Variants in CACNA1H observed in about 807,000 individuals in gnomAD.
CACNA1H encodes the protein calcium voltage-gated channel subunit alpha1 H, also known as voltage-dependent T-type calcium channel subunit alpha-1H.
In CACNA1H, 149 loss-of-function variants were observed where a neutral mutation model predicts 192.5. The ratio of observed to expected loss-of-function variants is 0.77; its 90% CI spans 0.68 to 0.89. The LOEUF (loss-of-function observed/expected upper bound fraction) is 0.89, where lower values mean the gene tolerates loss of function less well. Ranked by LOEUF, CACNA1H falls within the 40% of genes least tolerant of loss-of-function variation. The probability of loss-of-function intolerance (pLI) is 0.00; values close to 1 mark genes in which losing one functional copy is unlikely to be tolerated. For synonymous variants in CACNA1H, 2,202 were observed against 1,475.2 expected, an observed-to-expected ratio of 1.49 and a Z score of -11.29; for missense variants, 4,257 against 3,423.5, an observed-to-expected ratio of 1.24 and a Z score of -6.08.
chr16:1,209,861 C>A (rs574564121), intron 17 of CACNA1H, among the ~76,000 whole-genome samples, 174 bp from the exon 18 acceptor site: 1 of 152,296 alleles, frequency 6.6e-6, no homozygotes, highest in Non-Finnish European at 1.5e-5. Flanking sequence ...GGAGGCTCCA[C>A]GGTATGGGCC....
At chr16:1,166,083 C>T (rs560774270) in intron 2 of CACNA1H, among the ~76,000 whole-genome samples, 17 of 152,214 alleles carry the variant, frequency 1.1e-4, no homozygotes, top group South Asian at 4.1e-4. Context: ...TGAGAGCTGA[C>T]GCCGAGATTT....
chr16:1,172,290 A>T (rs1380257900), intron 2 of CACNA1H, among the ~76,000 whole-genome samples: 1 of 152,140 alleles, frequency 6.6e-6, no homozygotes. Flanking sequence ...GCATCACCGC[A>T]GCCTTGCCTG....
At chr16:1,182,287 G>A (rs1156674982) in intron 2 of CACNA1H, among the ~76,000 whole-genome samples, 1 of 152,160 alleles carries the variant, frequency 6.6e-6, no homozygotes, top group Non-Finnish European at 1.5e-5. Flanking sequence ...GCTCTCTGTG[G>A]GGCCAGAGTC....
intron 10 of CACNA1H, 45 bp downstream of exon 10, chr16:1,204,503 C>T (rs1226801057): frequency 2.7e-6 from 4 of 1,462,520 alleles, no homozygotes; most frequent in East Asian, 2.3e-5. Flanking sequence ...GTCAGGCTTG[C>T]AGGGCCTGGG....
intron 17 of CACNA1H, among the ~76,000 whole-genome samples, chr16:1,209,825 T>A (rs368909125): frequency 6.6e-5 from 10 of 152,142 alleles, no homozygotes; most frequent in East Asian, 3.9e-4. Context: ...CACGGGTCAC[T>A]CTGCCGTCAC....
intron 2 of CACNA1H, among the ~76,000 whole-genome samples, chr16:1,173,784 A>T (rs1179420685): frequency 2.6e-5 from 4 of 152,062 alleles, no homozygotes; most frequent in Non-Finnish European, 4.4e-5. Flanking sequence ...TACTCCTGAA[A>T]GGCTGTGGGT....
chr16:1,208,238 GC>G lies in CACNA1H; in HGVS notation c.3363+21del. On this transcript the variant is annotated intron_variant, in intron 16 of 34. Coordinates refer to ENST00000348261, the MANE Select transcript of CACNA1H (RefSeq NM_021098.3). ...AAGCCTCCGGTAGGGACCATCTCCT[GC>G]CCCAGCTCTCAGGCCCCTTCAGGTT... 1 of 1,534,280 alleles carries G rather than the reference GC, an allele frequency of 6.5e-7. No individual in the cohort carries two copies. Among genetic ancestry groups the G allele is most frequent in the Admixed American group, 1.9e-5 (1 of 51,634 alleles).
rs551983302 is a variant in CACNA1H, at chr16:1,217,930, G to A, written c.5335G>A (p.Asp1779Asn). The change falls in exon 32 of 35, where the codon GAC (aspartate) becomes AAC (asparagine). Residue 1779 changes from aspartate (D) to asparagine (N), a missense_variant. By Grantham distance (23) the Asp-to-Asn change is conservative (BLOSUM62 1). Transcript: ENST00000348261. ...ELFGRLECSE[D>N]NPCEGLSRHA... ...CTCCCTCCCCGCAGAGTGCAGTGAA[G>A]ACAACCCCTGCGAGGGCCTGAGCAG... 1.2e-6 allele frequency: 2 copies of A among 1,604,794 alleles called. No individual in the cohort carries two copies. The highest frequency in any genetic ancestry group is 1.3e-5 in the African/African-American group (1 of 74,870).
intron 2 of CACNA1H, among the ~76,000 whole-genome samples, chr16:1,178,949 G>C (rs543888761): frequency 6.6e-6 from 1 of 152,202 alleles, no homozygotes; most frequent in Non-Finnish European, 1.5e-5. Flanking sequence ...TCCCCAGCAG[G>C]CTGGCCCCGT....
Position 1,218,352 on chromosome 16 carries a change from T to C in CACNA1H, c.5588T>C (p.Leu1863Pro). The change falls in exon 33 of 35, where the codon CTG (leucine) becomes CCG (proline). Residue 1863 changes from leucine (L) to proline (P), a missense_variant. By Grantham distance (98) the Leu-to-Pro change is moderately conservative (BLOSUM62 -3). Coordinates refer to ENST00000348261, the MANE Select transcript of CACNA1H (RefSeq NM_021098.3). ...GTGGTGGCCGTGCTCATGAAGCACCTGGAGGAGAGCAACAAGGAGGCACGG... is the reference window on the plus strand; with the variant it reads ...GTGGTGGCCGTGCTCATGAAGCACCCGGAGGAGAGCAACAAGGAGGCACGG... ...NVVVAVLMKH[L>P]EESNKEARED... is the part of the protein sequence containing the mutation. The C allele has an allele frequency of 6.4e-7, 1 of 1,562,236 alleles. No homozygotes were observed. The highest frequency in any genetic ancestry group is 1.2e-5 in the South Asian group (1 of 84,620).
chr16:1,200,191 GC>G, intron 6 of CACNA1H, 64 bp from the exon 7 acceptor site: 1 of 1,327,042 alleles, frequency 7.5e-7, no homozygotes. Flanking sequence ...TCACAATCGT[GC>G]CCCCGACTCT....
At chr16:1,177,261 C>A (rs977280983) in intron 2 of CACNA1H, among the ~76,000 whole-genome samples, 7 of 152,214 alleles carry the variant, frequency 4.6e-5, no homozygotes, top group Non-Finnish European at 7.3e-5. Flanking sequence ...CTCCCAGGGC[C>A]GATCCCCTCC....
At position 1,161,083 on chromosome 16, in the gene CACNA1H, C is replaced by T. The variant is rs1963140314; in HGVS notation, c.299+7047C>T. Among the ~76,000 whole-genome samples the T allele has an allele frequency of 2.6e-5, 4 of 152,290 alleles. No individual in the cohort carries two copies. In the South Asian group the frequency reaches 6.2e-4, roughly 24 times the overall value. On this transcript the variant is annotated intron_variant, in intron 2 of 34. Transcript: ENST00000348261. Reference sequence around the variant, plus strand: ...GACCTGACACAGTTGCACCCCCAGCCCTGCTTTGATGTCTGCAGAACTGGC... The same window carrying T: ...GACCTGACACAGTTGCACCCCCAGCTCTGCTTTGATGTCTGCAGAACTGGC...
intron 2 of CACNA1H, among the ~76,000 whole-genome samples, chr16:1,158,853 G>A (rs565753106): frequency 0.02 from 2,901 of 146,460 alleles, 86 homozygotes; most frequent in African/African-American, 0.071. Flanking sequence ...ACAGGGCCCC[G>A]CTCAGCCCGC....
chr16:1,195,030 T>A lies in CACNA1H; in HGVS notation c.358T>A (p.Phe120Ile). 1 of 1,611,840 alleles carries A rather than the reference T, an allele frequency of 6.2e-7. No individual in the cohort carries two copies. Among genetic ancestry groups the A allele is most frequent in the Non-Finnish European group, 8.5e-7 (1 of 1,179,202 alleles). ...IMLNCVTLGM[F>I]RPCEDVECGS... ...GCTCAACTGCGTGACCCTGGGCATG[T>A]TCCGGCCCTGTGAGGACGTTGAGTG... Residue 120 changes from phenylalanine (F) to isoleucine (I), a missense_variant, in exon 3 of 35, where the codon TTC becomes ATC. By Grantham distance (21) the Phe-to-Ile change is conservative. Coordinates refer to ENST00000348261, the MANE Select transcript of CACNA1H (RefSeq NM_021098.3).
intron 2 of CACNA1H, among the ~76,000 whole-genome samples, chr16:1,190,096 G>A (rs1236438478): frequency 2.0e-5 from 3 of 152,176 alleles, no homozygotes; most frequent in African/African-American, 7.2e-5. Context: ...GAGGCTCCCT[G>A]CCTGAGGGAG....
intron 2 of CACNA1H, among the ~76,000 whole-genome samples, chr16:1,181,632 T>C (rs1484857213): frequency 2.0e-5 from 3 of 152,230 alleles, no homozygotes; most frequent in East Asian, 1.9e-4. Context: ...TAAATAGGTA[T>C]ATTAGGTCTC....
Position 1,202,137 on chromosome 16 carries a change from G to T in CACNA1H, c.1687G>T (p.Gly563Cys). The T allele has an allele frequency of 1.9e-6, 3 of 1,548,596 alleles. No homozygotes were observed. The highest frequency in any genetic ancestry group is 2.6e-6 in the Non-Finnish European group (3 of 1,146,458). The change falls in exon 9 of 35, where the codon GGC (glycine) becomes TGC (cysteine). Residue 563 changes from glycine (G) to cysteine (C), a missense_variant. Coordinates refer to ENST00000348261, the MANE Select transcript of CACNA1H (RefSeq NM_021098.3). ...AGAPPSPPSPGRGPPDAESVH... is the reference protein window; with the variant it reads ...AGAPPSPPSPCRGPPDAESVH... Reference sequence around the variant, plus strand: ...CGCGCCCCCCTCGCCACCTTCCCCAGGCCGCGGACCCCCCGACGCAGAGTC... The same window carrying T: ...CGCGCCCCCCTCGCCACCTTCCCCATGCCGCGGACCCCCCGACGCAGAGTC...
chr16:1,194,141 C>T (rs973181800), intron 2 of CACNA1H, among the ~76,000 whole-genome samples: 1 of 152,018 alleles, frequency 6.6e-6, no homozygotes, highest in Non-Finnish European at 1.5e-5. Context: ...GAGTCAAGCA[C>T]AGGCCCAAGT....
Sources: allele counts gnomAD v4.1 joint callset (sites outside exome capture counted in the v4.1 genomes callset), GRCh38; gene constraint gnomAD v4.1.1; transcripts MANE v1.5; gene names NCBI Gene and HGNC (gene_info 2026-07-23, HGNC 2026-07-21).